SERINC3: variants seen among roughly 807,000 people sequenced by gnomAD.
SERINC3 encodes tumor differentially expressed protein 1.
Under a neutral mutation model 52.1 loss-of-function variants are expected in SERINC3, and 22 were observed. The observed-to-expected ratio is 0.42, with a 90% CI of 0.30 to 0.60. The LOEUF (loss-of-function observed/expected upper bound fraction) is 0.60. SERINC3 is among the 20% of genes least tolerant of loss of function. SERINC3 has a pLI of 0.16. For missense variants in SERINC3, 564 were observed against 584.6 expected, an observed-to-expected ratio of 0.96 and a Z score of 0.36; for synonymous variants, 226 against 212.7, an observed-to-expected ratio of 1.06 and a Z score of -0.54.
At chr20:44,515,529 G>A (rs1600818312) in intron 1 of SERINC3, among the ~76,000 whole-genome samples, 1 of 152,300 alleles carries the variant, frequency 6.6e-6, no homozygotes. Context: ...GAAGATTAGG[G>A]GTTGAAGGGA....
chr20:44,504,126 A>C, intron 7 of SERINC3, 131 bp from the exon 8 acceptor site: 1 of 653,774 alleles, frequency 1.5e-6, no homozygotes, highest in Non-Finnish European at 2.4e-6. Context: ...AAAATCTGAA[A>C]CTTAGCAGTC....
chr20:44,517,580 A>C (rs1250308967), intron 1 of SERINC3, among the ~76,000 whole-genome samples: 2 of 151,888 alleles, frequency 1.3e-5, no homozygotes, highest in Non-Finnish European at 2.9e-5. Flanking sequence ...GACTGCCAGC[A>C]AACCAAAAAA....
intron 1 of SERINC3, among the ~76,000 whole-genome samples, chr20:44,517,752 C>T (rs79398888): frequency 0.058 from 8,824 of 152,160 alleles, 342 homozygotes; most frequent in African/African-American, 0.12. Flanking sequence ...GTTATAAAGC[C>T]CTGGCAAACT....
In SERINC3 at chr20:44,501,269, T is replaced by G; in HGVS notation, c.1087A>C (p.Lys363Gln). The part of the protein sequence containing the change: ...IRTSTNSQVD[K>Q]LTLSGSDSVI... ...CTGTCACTCCCTGACAGGGTCAGCT[T>G]GTCTACTTGGCTATTAGTGGAAGTG... Residue 363 changes from lysine to glutamine, a missense_variant, in exon 9 of 10, where the codon AAG becomes CAG. Transcript: ENST00000342374. 1.2e-6 allele frequency: 2 copies of G among 1,614,162 alleles called. No homozygotes were observed. The highest frequency in any genetic ancestry group is 1.7e-6 in the Non-Finnish European group (2 of 1,180,022).
chr20:44,509,928 A>G lies in SERINC3; in HGVS notation c.576T>C (p.Asn192=), dbSNP rs780891647. 2 of 1,613,992 alleles carry G rather than the reference A, an allele frequency of 1.2e-6. No individual in the cohort carries two copies. The highest frequency in any genetic ancestry group is 1.7e-5 in the Admixed American group (1 of 59,982). Reference sequence around the variant, plus strand: ...ACCTTGGGTTTCCTTCTTCCATTCGATTTACCCATGATTCATTCCAAGAAT... The same window carrying G: ...ACCTTGGGTTTCCTTCTTCCATTCGGTTTACCCATGATTCATTCCAAGAAT... ...FAHSWNESWV[N]RMEEGNPRLW... Residue 192 remains asparagine, a synonymous_variant, in exon 5 of 10, where the codon AAT becomes AAC. Transcript: ENST00000342374.
At chr20:44,505,214 G>T (rs1400530351) in intron 6 of SERINC3, among the ~76,000 whole-genome samples, 1 of 152,182 alleles carries the variant, frequency 6.6e-6, no homozygotes, top group Non-Finnish European at 1.5e-5. Context: ...GCTGGGAGAG[G>T]CCTATCACTT....
At chr20:44,501,559 G>A (rs1600808320) in intron 8 of SERINC3, among the ~76,000 whole-genome samples, 2 of 152,144 alleles carry the variant, frequency 1.3e-5, no homozygotes, top group Admixed American at 6.5e-5. Context: ...GTCTGTTTCC[G>A]TGACTTCACA....
Position 44,500,144 on chromosome 20 carries a change from T to C in SERINC3, c.*152A>G. The C allele has an allele frequency of 1.3e-6, 1 of 760,860 alleles. No homozygotes were observed. The highest frequency in any genetic ancestry group is 2.1e-6 in the Non-Finnish European group (1 of 479,462). 47.1% of individuals were successfully genotyped at this position (760,860 alleles called of 1,614,324 possible). On this transcript the variant is annotated 3_prime_UTR_variant, in exon 10 of 10. Coordinates refer to ENST00000342374, the MANE Select transcript of SERINC3 (RefSeq NM_006811.4). ...GAAGTTTCGATTCTGCATCAAGCAT[T>C]ATTCAATCTCACCTTCTGATATAAA... is the stretch of plus-strand genomic sequence containing the variant.
chr20:44,510,593 C>CATGA (rs2064341021), intron 4 of SERINC3, among the ~76,000 whole-genome samples: 1 of 152,054 alleles, frequency 6.6e-6, no homozygotes, highest in African/African-American at 2.4e-5. Flanking sequence ...GCAGGTGGAT[C>CATGA]ATGAGGTCAA....
rs774380356 is a variant in SERINC3 at position 44,503,956 on chromosome 20, C to T, written c.914G>A (p.Arg305His). Residue 305 changes from arginine (R) to histidine (H), a missense_variant, in exon 8 of 10, where the codon CGC becomes CAC. Coordinates refer to ENST00000342374, the MANE Select transcript of SERINC3 (RefSeq NM_006811.4). Reference sequence around the variant, plus strand: ...AGGAGCCAGGGTTGGTGCAGTTATGCGTGTAATAAAGCTCATCAGGTTGGG... The same window carrying T: ...AGGAGCCAGGGTTGGTGCAGTTATGTGTGTAATAAAGCTCATCAGGTTGGG... ...CNPNLMSFIT[R>H]ITAPTLAPGN... 2.6e-5 allele frequency: 41 copies of T among 1,598,622 alleles called. No homozygotes were observed. In the South Asian group the frequency reaches 3.9e-4, roughly 15 times the overall value.
At chr20:44,501,332 A>T (rs1236337105) in intron 8 of SERINC3, 32 bp from the exon 9 acceptor site, 1 of 1,575,740 alleles carries the variant, frequency 6.3e-7, no homozygotes, top group Non-Finnish European at 8.7e-7. Context: ...GACAAATCAG[A>T]AAGGGGCCAT....
At chr20:44,520,211 A>C (rs2064407058) in intron 1 of SERINC3, among the ~76,000 whole-genome samples, 1 of 152,198 alleles carries the variant, frequency 6.6e-6, no homozygotes, top group South Asian at 2.1e-4. Flanking sequence ...TCCCGTCTTT[A>C]TTGAAAATAC....
chr20:44,508,990 G>A (rs559546286), intron 5 of SERINC3, among the ~76,000 whole-genome samples: 8 of 152,262 alleles, frequency 5.3e-5, no homozygotes, highest in South Asian at 2.1e-4. Flanking sequence ...ATAAAACTGC[G>A]CAATTCAATA....
At chr20:44,502,310 G>C (rs2064284799) in intron 8 of SERINC3, among the ~76,000 whole-genome samples, 1 of 152,176 alleles carries the variant, frequency 6.6e-6, no homozygotes, top group African/African-American at 2.4e-5. Context: ...ATCAGGACTG[G>C]GTGTGGTGGC....
chr20:44,518,193 G>A (rs1175192393), intron 1 of SERINC3, among the ~76,000 whole-genome samples: 2 of 152,062 alleles, frequency 1.3e-5, no homozygotes, highest in Non-Finnish European at 2.9e-5. Flanking sequence ...CGGCACAGTG[G>A]CTCACGCCTG....
chr20:44,509,394 TAATTA>T (rs1568787706), intron 5 of SERINC3, among the ~76,000 whole-genome samples: 1 of 152,340 alleles, frequency 6.6e-6, no homozygotes, highest in South Asian at 2.1e-4. Flanking sequence ...TAAACACATG[TAATTA>T]AATTATGACT....
intron 3 of SERINC3, 112 bp downstream of exon 3, chr20:44,512,689 T>C: frequency 1.2e-6 from 1 of 806,800 alleles, no homozygotes; most frequent in Admixed American, 3.8e-5. Context: ...GAAATGCATC[T>C]GAGCCACTCA....
chr20:44,506,770 TTTTAAGCTTAGAATTAAAAACC>T, intron 6 of SERINC3, 35 bp downstream of exon 6: 1 of 1,229,852 alleles, frequency 8.1e-7, no homozygotes, highest in Non-Finnish European at 1.1e-6. Context: ...GGTACCTAGA[TTTTAAGCTTAGAATTAAAAACC>T]TTTCACAGGA....
In SERINC3 at chr20:44,521,038, C is replaced by T. The variant is rs1275771317; in HGVS notation, c.39+875G>A. 3.9e-5 allele frequency among the ~76,000 whole-genome samples: 6 copies of T among 152,160 alleles called. No homozygotes were observed. In the East Asian group the frequency reaches 1.2e-3, roughly 29 times the overall value. On this transcript the variant is annotated intron_variant, in intron 1 of 9. Transcript: ENST00000342374. ...ACTTGTAGGGCACCAAGTTGGCATCCCCTGCAGAGCTGACTGTTTGCCTGA... is the reference window on the plus strand; with the variant it reads ...ACTTGTAGGGCACCAAGTTGGCATCTCCTGCAGAGCTGACTGTTTGCCTGA...
Sources: allele counts gnomAD v4.1 joint callset (sites outside exome capture counted in the v4.1 genomes callset), GRCh38; gene constraint gnomAD v4.1.1; transcripts MANE v1.5; gene names NCBI Gene and HGNC (gene_info 2026-07-23, HGNC 2026-07-21).